LRIG2: variants seen among roughly 807,000 people sequenced by gnomAD.
The protein encoded by LRIG2 is leucine-rich repeats and immunoglobulin-like domains protein 2.
A neutral mutation model predicts 107.8 loss-of-function variants in LRIG2; 93 were observed. The observed-to-expected ratio is 0.86, with a 90% CI of 0.73 to 1.03. LRIG2 has a LOEUF of 1.03. Among genes scored for constraint, LRIG2 ranks in the 50% least tolerant of loss-of-function variants. The probability of loss-of-function intolerance (pLI) is 0.00; values close to 1 mark genes in which losing one functional copy is unlikely to be tolerated. For synonymous variants in LRIG2, 471 were observed against 470.6 expected (o/e 1.00, Z -0.01); for missense variants, 1,226 against 1,296.0 (o/e 0.95, Z 0.83).
chr1:113,128,873 T>C lies in LRIG2; in HGVS notation c.*4772T>C, dbSNP rs1655588959. On this transcript the variant is annotated 3_prime_UTR_variant, in exon 18 of 18. Coordinates refer to ENST00000361127, the MANE Select transcript of LRIG2 (RefSeq NM_014813.3). ...CACCTTTCTAATGTATTCGAAGTTATCCCTATAATTATATTACTCTCGCTC... is the reference window on the plus strand; with the variant it reads ...CACCTTTCTAATGTATTCGAAGTTACCCCTATAATTATATTACTCTCGCTC... 6.6e-6 allele frequency: 1 copy of C among 152,182 alleles called. No homozygotes were observed. Among genetic ancestry groups the C allele is most frequent in the African/African-American group, 2.4e-5 (1 of 41,430 alleles). The allele number at this position is 152,182 out of a possible 1,614,324, so 9.4% of individuals were successfully genotyped here. A position where few individuals can be genotyped will look rare whatever the true frequency, so the allele number is the denominator to read the frequency against.
chr1:113,118,712 T>C (rs1655118385), intron 16 of LRIG2, among the ~76,000 whole-genome samples: 1 of 152,054 alleles, frequency 6.6e-6, no homozygotes, highest in South Asian at 2.1e-4. Flanking sequence ...TCGCCCAGGC[T>C]GGAGTGCAGT....
intron 1 of LRIG2, among the ~76,000 whole-genome samples, chr1:113,090,930 C>T (rs529657201): frequency 2.0e-4 from 30 of 151,554 alleles, no homozygotes; most frequent in Non-Finnish European, 4.1e-4. Context: ...TGGCTCACTG[C>T]AACCTCTGCC....
intron 1 of LRIG2, among the ~76,000 whole-genome samples, chr1:113,089,452 C>A (rs1570735550): frequency 6.6e-6 from 1 of 152,162 alleles, no homozygotes; most frequent in East Asian, 1.9e-4. Context: ...AGTTGTGTGA[C>A]CTTAGATTGG....
At chr1:113,102,998 C>T (rs1393966964) in intron 11 of LRIG2, among the ~76,000 whole-genome samples, 4 of 32,700 alleles carry the variant, frequency 1.2e-4, no homozygotes, top group Non-Finnish European at 2.6e-4. Context: ...TAGTATACTC[C>T]GCCCCCCTCC....
intron 1 of LRIG2, among the ~76,000 whole-genome samples, chr1:113,090,365 GATA>G (rs1557901625): frequency 6.6e-6 from 1 of 152,092 alleles, no homozygotes; most frequent in Non-Finnish European, 1.5e-5. Context: ...TACACTTTTT[GATA>G]ATTGGACCAT....
chr1:113,129,476 ATAAC>A lies in LRIG2; in HGVS notation c.*5378_*5381del, dbSNP rs1655623744. On this transcript the variant is annotated 3_prime_UTR_variant, in exon 18 of 18. Transcript: ENST00000361127. ...CCTTAGATATTCCTAGCTTGCCTAAATAACTAGTCAGCAATCTATTTAAATGTGA... is the reference window on the plus strand; with the variant it reads ...CCTTAGATATTCCTAGCTTGCCTAAATAGTCAGCAATCTATTTAAATGTGA... 1 of 152,114 alleles carries A rather than the reference ATAAC, an allele frequency of 6.6e-6. No homozygotes were observed. The highest frequency in any genetic ancestry group is 2.4e-5 in the African/African-American group (1 of 41,418). 9.4% of individuals were successfully genotyped at this position (152,114 alleles called of 1,614,324 possible).
At chr1:113,121,610 G>C (rs1045817141) in intron 17 of LRIG2, among the ~76,000 whole-genome samples, 1 of 152,128 alleles carries the variant, frequency 6.6e-6, no homozygotes, top group African/African-American at 2.4e-5. Context: ...GGGCGTGGTG[G>C]TGGGCGCCTG....
In LRIG2 at chr1:113,114,486, G is replaced by A. The variant is rs1557917406; in HGVS notation, c.2140G>A (p.Val714Met). ...GACAGTAACACGAGGTGAAACTGCG[G>A]TGTTACAGTGCATAGCTGGAGGGAG... ...DKTVTRGETA[V>M]LQCIAGGSPA... Residue 714 changes from valine to methionine, a missense_variant, in exon 15 of 18, where the codon GTG becomes ATG. Transcript: ENST00000361127. 7.4e-6 allele frequency: 12 copies of A among 1,613,818 alleles called. No individual in the cohort carries two copies. Among genetic ancestry groups the A allele is most frequent in the Non-Finnish European group, 9.3e-6 (11 of 1,179,968 alleles).
At chr1:113,106,880 A>G (rs1654561982) in intron 11 of LRIG2, among the ~76,000 whole-genome samples, 1 of 152,200 alleles carries the variant, frequency 6.6e-6, no homozygotes, top group Non-Finnish European at 1.5e-5. Context: ...AGATCTCTCA[A>G]TGCTCCAATA....
At chr1:113,105,184 G>A (rs192546976) in intron 11 of LRIG2, among the ~76,000 whole-genome samples, 18 of 152,076 alleles carry the variant, frequency 1.2e-4, no homozygotes, top group East Asian at 5.8e-4. Context: ...ATTTAGCCCC[G>A]TGCCTGGCCA....
intron 1 of LRIG2, among the ~76,000 whole-genome samples, chr1:113,081,474 G>T (rs184379565): frequency 6.6e-6 from 1 of 151,510 alleles, no homozygotes; most frequent in Non-Finnish European, 1.5e-5. Context: ...ACAGGCACGC[G>T]CCACCATACC....
At chr1:113,084,038 TAA>T (rs1491130196) in intron 1 of LRIG2, among the ~76,000 whole-genome samples, 1,628 of 139,972 alleles carry the variant, frequency 0.012, 13 homozygotes, top group Admixed American at 0.021. Flanking sequence ...ATAATAATAA[TAA>T]TATTGGCCTT....
intron 1 of LRIG2, among the ~76,000 whole-genome samples, chr1:113,086,400 G>T (rs911186069): frequency 6.6e-6 from 1 of 152,166 alleles, no homozygotes; most frequent in Non-Finnish European, 1.5e-5. Context: ...CAGGCTAAAT[G>T]AAGCACTGTC....
chr1:113,117,652 T>C (rs1655075367), intron 16 of LRIG2, among the ~76,000 whole-genome samples: 1 of 151,246 alleles, frequency 6.6e-6, no homozygotes, highest in African/African-American at 2.4e-5. Context: ...CCCGGCTAAT[T>C]TTTGTATTTT....
At chr1:113,086,368 A>G (rs764533438) in intron 1 of LRIG2, among the ~76,000 whole-genome samples, 16 of 152,194 alleles carry the variant, frequency 1.1e-4, no homozygotes, top group Admixed American at 2.0e-4. Context: ...ATTTCCATTC[A>G]CAAAAGGAAG....
Position 113,098,701 on chromosome 1 carries a change from G to C in LRIG2, c.1092-4G>C, listed in dbSNP as rs371981474. On this transcript the variant is annotated splice_polypyrimidine_tract_variant and splice_region_variant and intron_variant, in intron 8 of 17. Coordinates refer to ENST00000361127, the MANE Select transcript of LRIG2 (RefSeq NM_014813.3). ...GCACCTGTCTTTCTCTGACATTTTTGTAGAGACTTAAGAAACAATGAAATT... is the reference window on the plus strand; with the variant it reads ...GCACCTGTCTTTCTCTGACATTTTTCTAGAGACTTAAGAAACAATGAAATT... 2 of 1,599,666 alleles carry C rather than the reference G, an allele frequency of 1.3e-6. No individual in the cohort carries two copies. Among genetic ancestry groups the C allele is most frequent in the Non-Finnish European group, 1.7e-6 (2 of 1,167,108 alleles).
In LRIG2 at chr1:113,091,336, G is replaced by C. The variant is rs1027190857; in HGVS notation, c.258G>C (p.Arg86=). 2.5e-6 allele frequency: 4 copies of C among 1,605,692 alleles called. No individual in the cohort carries two copies. The highest frequency in any genetic ancestry group is 3.4e-6 in the Non-Finnish European group (4 of 1,174,786). ...DTAILDFSHN[R]LSNWNISLES... Reference sequence around the variant, plus strand: ...CTTTCAGGGATTTCAGTCATAATCGGTTGTCTAACTGGAACATCAGCTTGG... The same window carrying C: ...CTTTCAGGGATTTCAGTCATAATCGCTTGTCTAACTGGAACATCAGCTTGG... The change falls in exon 2 of 18, where the codon CGG becomes CGC. Residue 86 remains arginine (R), a synonymous_variant. Transcript: ENST00000361127.
rs74986097 is a variant in LRIG2 at position 113,125,595 on chromosome 1, G to A, written c.*1494G>A. 1 of 152,352 alleles carries A rather than the reference G, an allele frequency of 6.6e-6. No homozygotes were observed. The highest frequency in any genetic ancestry group is 1.9e-4 in the East Asian group (1 of 5,188). 9.4% of individuals were successfully genotyped at this position (152,352 alleles called of 1,614,324 possible). Reference sequence around the variant, plus strand: ...TTCAAAAACTGGAGGCTGATTTAAAGATTGCAGAACTTGAGTCAGACTCAT... The same window carrying A: ...TTCAAAAACTGGAGGCTGATTTAAAAATTGCAGAACTTGAGTCAGACTCAT... On this transcript the variant is annotated 3_prime_UTR_variant, in exon 18 of 18. Transcript: ENST00000361127.
At chr1:113,099,247 T>TC (rs1654205484) in intron 9 of LRIG2, among the ~76,000 whole-genome samples, 1 of 141,778 alleles carries the variant, frequency 7.1e-6, no homozygotes, top group South Asian at 2.4e-4. Context: ...TTTTTTTCTT[T>TC]TTTTTTTTGA....
Sources: allele counts gnomAD v4.1 joint callset (sites outside exome capture counted in the v4.1 genomes callset), GRCh38; gene constraint gnomAD v4.1.1; transcripts MANE v1.5; gene names NCBI Gene and HGNC (gene_info 2026-07-23, HGNC 2026-07-21).